The following IL1RAP variants were observed in gnomAD, a reference collection of about 807,000 sequenced individuals.
IL1RAP encodes interleukin-1 receptor accessory protein.
In IL1RAP, 35 loss-of-function variants were observed where a neutral mutation model predicts 60.7. That is an observed-to-expected ratio of 0.58 (90% CI 0.44 to 0.76). The LOEUF is 0.76. IL1RAP is among the 30% of genes least tolerant of loss of function. The pLI, the probability that IL1RAP is intolerant of heterozygous loss-of-function variation, is 0.00. For synonymous variants in IL1RAP, 268 were observed against 250.9 expected (o/e 1.07, Z -0.64); for missense variants, 572 against 693.9 (o/e 0.82, Z 1.97).
In IL1RAP at chr3:190,604,404, G is replaced by T; in HGVS notation, c.341G>T (p.Cys114Phe). 1 of 1,612,872 alleles carries T rather than the reference G, an allele frequency of 6.2e-7. No individual in the cohort carries two copies. Reference protein sequence around the residue: ...TLLNDTGNYTCMLRNTTYCSK... With the variant: ...TLLNDTGNYTFMLRNTTYCSK... ...CTCAATGACACTGGCAACTATACCTGCATGTTAAGGTAGCCTGATTCTTGG... is the reference window on the plus strand; with the variant it reads ...CTCAATGACACTGGCAACTATACCTTCATGTTAAGGTAGCCTGATTCTTGG... Residue 114 changes from cysteine (C) to phenylalanine (F), a missense_variant, in exon 4 of 12, where the codon TGC (cysteine) becomes TTC (phenylalanine). Cys to Phe is a radical substitution (Grantham distance 205). Coordinates refer to ENST00000447382, the MANE Select transcript of IL1RAP (RefSeq NM_002182.4).
intron 9 of IL1RAP, among the ~76,000 whole-genome samples, chr3:190,642,849 A>C (rs1733755116): frequency 6.6e-6 from 1 of 152,240 alleles, no homozygotes. Flanking sequence ...TAATAATCAA[A>C]TTGACTAATA....
chr3:190,588,755 T>C lies in IL1RAP; in HGVS notation c.65-15373T>C, dbSNP rs543610669. Among the ~76,000 whole-genome samples the C allele has an allele frequency of 1.5e-3, 232 of 152,328 alleles. 5 individuals are homozygous for C. Among genetic ancestry groups the C allele is most frequent in the Non-Finnish European group, 5.9e-5 (4 of 68,040 alleles). On this transcript the variant is annotated intron_variant, in intron 3 of 11. Transcript: ENST00000447382. The stretch of plus-strand genomic sequence containing the variant: ...CCTTTGTTCTAGATTTTAGAGAAGT[T>C]GGTTTGTAGTTTTCTCTTTCCCAAT...
chr3:190,568,613 G>T (rs959136039), intron 3 of IL1RAP, among the ~76,000 whole-genome samples: 1 of 152,132 alleles, frequency 6.6e-6, no homozygotes, highest in Non-Finnish European at 1.5e-5. Flanking sequence ...TCTGTGACTT[G>T]TTTGATGACA....
intron 8 of IL1RAP, among the ~76,000 whole-genome samples, chr3:190,628,548 T>C (rs1374245290): frequency 3.3e-5 from 5 of 152,192 alleles, no homozygotes; most frequent in Non-Finnish European, 5.9e-5. Flanking sequence ...TTCTCTGCGA[T>C]AAGTAAAGGA....
intron 9 of IL1RAP, among the ~76,000 whole-genome samples, chr3:190,643,569 C>T (rs1335738538): frequency 4.6e-5 from 7 of 152,160 alleles, no homozygotes; most frequent in Non-Finnish European, 1.0e-4. Context: ...AATCTGTTCA[C>T]AATCAGATAT....
At chr3:190,551,222 G>A (rs1342242967) in intron 1 of IL1RAP, among the ~76,000 whole-genome samples, 4 of 152,182 alleles carry the variant, frequency 2.6e-5, no homozygotes, top group Non-Finnish European at 5.9e-5. Context: ...TTTTTCCCCA[G>A]AGCTTTCATT....
chr3:190,591,303 G>A lies in IL1RAP; in HGVS notation c.65-12825G>A, dbSNP rs9846013. Reference sequence around the variant, plus strand: ...ATTTAATTTATTTGCACATAGTCACGTGGATAGGAAGTGGCAGAACGAGGT... The same window carrying A: ...ATTTAATTTATTTGCACATAGTCACATGGATAGGAAGTGGCAGAACGAGGT... On this transcript the variant is annotated intron_variant, in intron 3 of 11. Transcript: ENST00000447382. Among the ~76,000 whole-genome samples the A allele has an allele frequency of 2.4e-3, 359 of 152,236 alleles. 2 individuals are homozygous for A. Among genetic ancestry groups the A allele is most frequent in the African/African-American group, 8.0e-3 (333 of 41,516 alleles).
Position 190,597,831 on chromosome 3 carries a change from G to A in IL1RAP, c.65-6297G>A, listed in dbSNP as rs542831076. 1.4e-4 allele frequency among the ~76,000 whole-genome samples: 22 copies of A among 151,996 alleles called. 1 individual carries two copies. The East Asian group carries it at 3.3e-3, about 23-fold the overall frequency. ...CTTTTTTATTTCCTCTTTCCCAATC[G>A]GCATTCTCCTACTTTACAAAAGAAA... On this transcript the variant is annotated intron_variant, in intron 3 of 11. Transcript: ENST00000447382.
chr3:190,643,621 A>G (rs1379762444), intron 9 of IL1RAP, among the ~76,000 whole-genome samples: 3 of 152,250 alleles, frequency 2.0e-5, no homozygotes, highest in African/African-American at 7.2e-5. Context: ...AACTGTGAAC[A>G]TGGGAAATAA....
At chr3:190,600,194 C>G (rs1317774762) in intron 3 of IL1RAP, among the ~76,000 whole-genome samples, 2 of 152,104 alleles carry the variant, frequency 1.3e-5, no homozygotes, top group Non-Finnish European at 2.9e-5. Context: ...TGTGGCTGCA[C>G]AATTTTCTAA....
chr3:190,588,850 A>G (rs547869671), intron 3 of IL1RAP, among the ~76,000 whole-genome samples: 1 of 152,344 alleles, frequency 6.6e-6, no homozygotes, highest in East Asian at 1.9e-4. Flanking sequence ...AAAAGTACGT[A>G]TAAAAATTTA....
chr3:190,538,538 T>C (rs1010633047), intron 1 of IL1RAP, among the ~76,000 whole-genome samples: 1 of 152,146 alleles, frequency 6.6e-6, no homozygotes, highest in Non-Finnish European at 1.5e-5. Flanking sequence ...GAATAAAAGC[T>C]TGCATTTTCA....
intron 9 of IL1RAP, among the ~76,000 whole-genome samples, chr3:190,632,410 ATC>A (rs1577785846): frequency 6.6e-6 from 1 of 152,220 alleles, no homozygotes; most frequent in East Asian, 1.9e-4. Flanking sequence ...TTTGTGAAGT[ATC>A]TGTTAAAATG....
At chr3:190,545,579 T>C (rs1462808174) in intron 1 of IL1RAP, among the ~76,000 whole-genome samples, 1 of 152,174 alleles carries the variant, frequency 6.6e-6, no homozygotes, top group Non-Finnish European at 1.5e-5. Flanking sequence ...CAGATTCCAG[T>C]AGAAAATAGT....
chr3:190,616,771 C>T (rs1731312293), intron 5 of IL1RAP, among the ~76,000 whole-genome samples: 1 of 152,182 alleles, frequency 6.6e-6, no homozygotes, highest in Non-Finnish European at 1.5e-5. Context: ...CCCTCAGCTC[C>T]ATGCCTTTTG....
chr3:190,564,228 T>C, intron 2 of IL1RAP, 61 bp from the exon 3 acceptor site: 1 of 1,025,574 alleles, frequency 9.8e-7, no homozygotes, highest in Admixed American at 1.7e-5. Flanking sequence ...TGCTAGTTAT[T>C]ATTATTTAAG....
chr3:190,589,365 T>C (rs1390586473), intron 3 of IL1RAP, among the ~76,000 whole-genome samples: 3 of 152,182 alleles, frequency 2.0e-5, no homozygotes, highest in Non-Finnish European at 2.9e-5. Context: ...TCTCAGCTTT[T>C]GTTGCTTGCT....
intron 3 of IL1RAP, among the ~76,000 whole-genome samples, chr3:190,577,478 G>A (rs985550017): frequency 1.3e-4 from 20 of 152,090 alleles, no homozygotes; most frequent in African/African-American, 1.9e-4. Flanking sequence ...ATCAACCCCC[G>A]GCTGTTTACC....
At position 190,623,845 on chromosome 3, in the gene IL1RAP, T is replaced by C. The variant is rs941493445; in HGVS notation, c.775+430T>C. On this transcript the variant is annotated intron_variant, in intron 7 of 11. Coordinates refer to ENST00000447382, the MANE Select transcript of IL1RAP (RefSeq NM_002182.4). The stretch of plus-strand genomic sequence containing the variant: ...TAACAACTGATAAAACTAGTAGACA[T>C]TGACGCAGAACACTATTGAATGCTT... Among the ~76,000 whole-genome samples, 4 of 152,226 alleles carry C rather than the reference T, an allele frequency of 2.6e-5. No homozygotes were observed. The South Asian group carries it at 6.2e-4, about 24-fold the overall frequency.
Sources: allele counts gnomAD v4.1 joint callset (sites outside exome capture counted in the v4.1 genomes callset), GRCh38; gene constraint gnomAD v4.1.1; transcripts MANE v1.5; gene names NCBI Gene and HGNC (gene_info 2026-07-23, HGNC 2026-07-21).